Variants in EIF2AK4 observed in about 807,000 individuals in gnomAD.
EIF2AK4 encodes the protein eIF-2-alpha kinase GCN2.
Under a neutral mutation model 211.1 loss-of-function variants are expected in EIF2AK4, and 139 were observed. The observed-to-expected ratio is 0.66, with a 90% CI of 0.57 to 0.76. EIF2AK4 has a LOEUF of 0.76. EIF2AK4 is among the 30% of genes least tolerant of loss of function. The pLI is 0.00. For missense variants in EIF2AK4, 1,664 were observed against 2,043.8 expected (o/e 0.81, Z 3.58); for synonymous variants, 710 against 751.3 (o/e 0.94, Z 0.90).
intron 29 of EIF2AK4, among the ~76,000 whole-genome samples, chr15:40,018,725 A>G (rs944684780): frequency 3.9e-5 from 6 of 152,202 alleles, no homozygotes; most frequent in African/African-American, 1.4e-4. Context: ...TTATTTCAAC[A>G]TGTACTCAAA....
At chr15:40,026,211 T>A (rs1188855097) in intron 33 of EIF2AK4, 122 bp downstream of exon 33, 2 of 828,212 alleles carry the variant, frequency 2.4e-6, no homozygotes, top group Non-Finnish European at 3.7e-6. Context: ...TCCCAGCACT[T>A]TGGGAGGCCA....
At chr15:39,950,495 G>T (rs1225141416) in intron 4 of EIF2AK4, among the ~76,000 whole-genome samples, 2 of 151,672 alleles carry the variant, frequency 1.3e-5, no homozygotes, top group African/African-American at 2.4e-5. Context: ...GGAGTCTGAG[G>T]CACGAGAATT....
At chr15:39,976,873 C>G in intron 12 of EIF2AK4, 29 bp downstream of exon 12, 1 of 1,440,936 alleles carries the variant, frequency 6.9e-7, no homozygotes, top group Non-Finnish European at 9.1e-7. Flanking sequence ...CCAGCTGCCT[C>G]TGATGCGCCC....
intron 13 of EIF2AK4, among the ~76,000 whole-genome samples, chr15:39,978,483 A>G (rs1305120546): frequency 6.6e-6 from 1 of 152,218 alleles, no homozygotes; most frequent in East Asian, 1.9e-4. Context: ...CTAGATTTGC[A>G]TTTATGGAGT....
rs1259157209 is a variant in EIF2AK4, at chr15:40,011,360, A to G, written c.3759+14A>G. On this transcript the variant is annotated intron_variant, in intron 27 of 38. Transcript: ENST00000263791. ...TCTTCTAATAGTGTAAGTACCTTCT[A>G]ATGGTATTATTACAGCTTTCTCTGT... 1.3e-6 allele frequency: 2 copies of G among 1,597,364 alleles called. No homozygotes were observed.
intron 32 of EIF2AK4, among the ~76,000 whole-genome samples, chr15:40,023,814 G>T (rs2035426001): frequency 6.6e-6 from 1 of 152,024 alleles, no homozygotes; most frequent in Non-Finnish European, 1.5e-5. Flanking sequence ...TCTTCCTTCT[G>T]CTTATTTTGG....
chr15:39,948,249 C>G (rs950496332), intron 3 of EIF2AK4, among the ~76,000 whole-genome samples: 3 of 152,140 alleles, frequency 2.0e-5, no homozygotes, highest in Non-Finnish European at 4.4e-5. Flanking sequence ...TGTTAAGTCC[C>G]TTTAGAAACG....
chr15:39,975,322 C>T (rs1323952715), intron 11 of EIF2AK4: 2 of 136,832 alleles, frequency 1.5e-5, no homozygotes, highest in African/African-American at 5.6e-5. Flanking sequence ...TATTTCCATA[C>T]AAAAAAAGAT....
chr15:39,960,457 G>A (rs1026345092), intron 6 of EIF2AK4, among the ~76,000 whole-genome samples: 1 of 152,102 alleles, frequency 6.6e-6, no homozygotes, highest in African/African-American at 2.4e-5. Flanking sequence ...GAGACAGAAT[G>A]GATGACTATG....
chr15:39,958,390 G>T (rs186496530), intron 6 of EIF2AK4, among the ~76,000 whole-genome samples: 7 of 152,274 alleles, frequency 4.6e-5, no homozygotes, highest in Admixed American at 3.9e-4. Context: ...TATCTAGTTT[G>T]TTTTCCCTAT....
chr15:39,940,115 C>T (rs2034124892), intron 2 of EIF2AK4, among the ~76,000 whole-genome samples: 1 of 152,198 alleles, frequency 6.6e-6, no homozygotes, highest in African/African-American at 2.4e-5. Context: ...GTGCTGTGCA[C>T]TGCAGTACGT....
intron 33 of EIF2AK4, among the ~76,000 whole-genome samples, chr15:40,027,298 A>G (rs1360208386): frequency 6.6e-6 from 1 of 152,232 alleles, no homozygotes; most frequent in African/African-American, 2.4e-5. Flanking sequence ...CACAAATCAT[A>G]TAGTCTCTGG....
intron 11 of EIF2AK4, 23 bp downstream of exon 11, chr15:39,973,772 G>A (rs777475065): frequency 1.0e-4 from 163 of 1,612,494 alleles, no homozygotes; most frequent in Non-Finnish European, 1.3e-4. Context: ...GTCATTCCCA[G>A]TCCCCTTTAG....
rs756601529 is a variant in EIF2AK4 at position 40,032,162 on chromosome 15, T to C, written c.4660-7T>C. The stretch of plus-strand genomic sequence containing the variant: ...CATGTTCTGAATTCCATTTTCTTAC[T>C]ATTTAGGTACAAACTCGACTTCAGA... On this transcript the variant is annotated splice_region_variant and splice_polypyrimidine_tract_variant and intron_variant, in intron 35 of 38. Coordinates refer to ENST00000263791, the MANE Select transcript of EIF2AK4 (RefSeq NM_001013703.4). 8 of 1,611,824 alleles carry C rather than the reference T, an allele frequency of 5.0e-6. No individual in the cohort carries two copies. Among genetic ancestry groups the C allele is most frequent in the Non-Finnish European group, 6.8e-6 (8 of 1,178,034 alleles).
intron 27 of EIF2AK4, among the ~76,000 whole-genome samples, chr15:40,011,870 G>A (rs1279492386): frequency 6.6e-6 from 1 of 152,088 alleles, no homozygotes; most frequent in Non-Finnish European, 1.5e-5. Context: ...GAAATCTTAT[G>A]GAATAAACAG....
intron 6 of EIF2AK4, 106 bp downstream of exon 6, chr15:39,955,874 T>C (rs2140906292): frequency 7.7e-7 from 1 of 1,306,100 alleles, no homozygotes; most frequent in South Asian, 1.8e-5. Flanking sequence ...ATAGTCTTAA[T>C]AACTTTTTTC....
chr15:39,992,052 G>A, intron 16 of EIF2AK4, 123 bp from the exon 17 acceptor site: 1 of 917,484 alleles, frequency 1.1e-6, no homozygotes, highest in Non-Finnish European at 1.6e-6. Context: ...AAAACTCAAA[G>A]CGTTATTATA....
At position 40,022,615 on chromosome 15, in the gene EIF2AK4, T is replaced by C; in HGVS notation, c.4389+10T>C. 1 of 1,613,384 alleles carries C rather than the reference T, an allele frequency of 6.2e-7. No homozygotes were observed. The highest frequency in any genetic ancestry group is 8.5e-7 in the Non-Finnish European group (1 of 1,179,320). The stretch of plus-strand genomic sequence containing the variant: ...AGGAAGCCATGTCAAGGTAAAGACG[T>C]CAGAGATTTTTTACAATTCAATAGT... On this transcript the variant is annotated intron_variant, in intron 32 of 38. Transcript: ENST00000263791.
intron 32 of EIF2AK4, among the ~76,000 whole-genome samples, chr15:40,023,018 C>T (rs766795955): frequency 6.6e-5 from 10 of 152,238 alleles, no homozygotes; most frequent in Admixed American, 2.6e-4. Flanking sequence ...TCAGCCACCG[C>T]GCCCGGCCGT....
Sources: allele counts gnomAD v4.1 joint callset (sites outside exome capture counted in the v4.1 genomes callset), GRCh38; gene constraint gnomAD v4.1.1; transcripts MANE v1.5; gene names NCBI Gene and HGNC (gene_info 2026-07-23, HGNC 2026-07-21).